PLPP4: variants seen among roughly 807,000 people sequenced by gnomAD.
PLPP4 encodes the protein diacylglycerol pyrophosphate like 2.
In PLPP4, 20 loss-of-function variants were observed where a neutral mutation model predicts 32.2. The observed-to-expected ratio is 0.62, with a 90% CI of 0.44 to 0.90. The LOEUF (loss-of-function observed/expected upper bound fraction) is 0.90, where lower values mean the gene tolerates loss of function less well. Ranked by LOEUF, PLPP4 falls within the 40% of genes least tolerant of loss-of-function variation. The pLI is 0.00. For synonymous variants in PLPP4, 127 were observed against 133.0 expected, an observed-to-expected ratio of 0.95 and a Z score of 0.31; for missense variants, 257 against 353.1, an observed-to-expected ratio of 0.73 and a Z score of 2.18.
chr10:120,463,204 T>C (rs766681605), intron 1 of PLPP4, among the ~76,000 whole-genome samples: 5 of 152,000 alleles, frequency 3.3e-5, no homozygotes, highest in Non-Finnish European at 7.4e-5. Context: ...TTTTTTGTAT[T>C]TTTAGTAGAG....
intron 5 of PLPP4, among the ~76,000 whole-genome samples, chr10:120,558,076 A>G (rs1470830819): frequency 6.6e-6 from 1 of 151,362 alleles, no homozygotes; most frequent in East Asian, 1.9e-4. Context: ...CCATGTACCC[A>G]GCACTTGGTT....
chr10:120,479,458 CTGTT>C (rs1419466860), intron 1 of PLPP4, among the ~76,000 whole-genome samples: 3 of 151,434 alleles, frequency 2.0e-5, no homozygotes, highest in East Asian at 3.9e-4. Flanking sequence ...TCACATTCCT[CTGTT>C]TTGTTTTTCT....
intron 1 of PLPP4, among the ~76,000 whole-genome samples, chr10:120,491,974 C>T (rs1244464803): frequency 1.3e-5 from 2 of 152,152 alleles, no homozygotes; most frequent in African/African-American, 2.4e-5. Flanking sequence ...ATTTGGTATA[C>T]AAATTTTTGG....
intron 1 of PLPP4, among the ~76,000 whole-genome samples, chr10:120,498,615 G>T (rs1845080795): frequency 6.6e-6 from 1 of 151,652 alleles, no homozygotes; most frequent in South Asian, 2.1e-4. Flanking sequence ...AGTACAGAGG[G>T]CCCTGAGTTA....
chr10:120,521,043 C>A lies in PLPP4; in HGVS notation c.393C>A (p.Asp131Glu), dbSNP rs1033065842. 1.7e-5 allele frequency: 28 copies of A among 1,613,996 alleles called. No homozygotes were observed. The highest frequency in any genetic ancestry group is 4.0e-5 in the African/African-American group (3 of 74,906). The change falls in exon 5 of 7, where the codon GAC becomes GAA. Residue 131 changes from aspartate (D) to glutamate (E), a missense_variant. Transcript: ENST00000398250. The part of the protein sequence containing the change: ...VMNSEMHCTG[D>E]PDLVSEGRKS... ...ACTCGGAAATGCATTGCACAGGTGA[C>A]CCCGATCTGGTGTCCGAGGGCCGCA...
intron 5 of PLPP4, among the ~76,000 whole-genome samples, chr10:120,523,282 C>T (rs1846240842): frequency 6.6e-6 from 1 of 151,184 alleles, no homozygotes; most frequent in Admixed American, 6.6e-5. Flanking sequence ...AGCCTGGCAA[C>T]AGAGTGAGAC....
intron 1 of PLPP4, among the ~76,000 whole-genome samples, chr10:120,460,083 G>T (rs913903326): frequency 1.4e-4 from 21 of 152,146 alleles, no homozygotes; most frequent in African/African-American, 4.8e-4. Flanking sequence ...ACTTCAAATC[G>T]CTGGGAAGGA....
At chr10:120,486,147 G>A (rs908706246) in intron 1 of PLPP4, among the ~76,000 whole-genome samples, 1 of 152,180 alleles carries the variant, frequency 6.6e-6, no homozygotes, top group Non-Finnish European at 1.5e-5. Flanking sequence ...GCCAGGGCCT[G>A]CTTCTGTGGA....
intron 5 of PLPP4, among the ~76,000 whole-genome samples, chr10:120,538,921 A>G (rs1352869520): frequency 6.6e-6 from 1 of 152,212 alleles, no homozygotes; most frequent in Non-Finnish European, 1.5e-5. Context: ...GCTGGCATTT[A>G]TACCCAGATC....
At chr10:120,516,009 CATACTCTGTCTCCT>C (rs1254509732) in intron 3 of PLPP4, among the ~76,000 whole-genome samples, 1 of 152,174 alleles carries the variant, frequency 6.6e-6, no homozygotes, top group Non-Finnish European at 1.5e-5. Flanking sequence ...AATTGAACAT[CATACTCTGTCTCCT>C]ATACGTTAAC....
At chr10:120,487,813 T>G (rs1419119592) in intron 1 of PLPP4, among the ~76,000 whole-genome samples, 4 of 152,212 alleles carry the variant, frequency 2.6e-5, no homozygotes, top group Admixed American at 1.3e-4. Context: ...TGTAAATGAT[T>G]TACTCAGATT....
chr10:120,521,917 T>A (rs1846173095), intron 5 of PLPP4, among the ~76,000 whole-genome samples: 1 of 152,250 alleles, frequency 6.6e-6, no homozygotes, highest in Non-Finnish European at 1.5e-5. Flanking sequence ...TCTACATGAT[T>A]ATTGATTATC....
chr10:120,521,074 T>C lies in PLPP4; in HGVS notation c.424T>C (p.Phe142Leu), dbSNP rs766581942. ...TCTGGTGTCCGAGGGCCGCAAAAGC[T>C]TCCCCAGCATCCATTCCTCCTGTAA... ...PDLVSEGRKS[F>L]PSIHSSFAFS... Residue 142 changes from phenylalanine (F) to leucine (L), a missense_variant, in exon 5 of 7, where the codon TTC becomes CTC. Transcript: ENST00000398250. 1 of 1,614,124 alleles carries C rather than the reference T, an allele frequency of 6.2e-7. No homozygotes were observed. The highest frequency in any genetic ancestry group is 1.7e-5 in the Admixed American group (1 of 60,018).
intron 2 of PLPP4, among the ~76,000 whole-genome samples, chr10:120,513,470 C>T (rs372001039): frequency 1.2e-4 from 19 of 152,266 alleles, no homozygotes; most frequent in African/African-American, 4.6e-4. Context: ...GATAAATATT[C>T]AACAAAAGAA....
intron 5 of PLPP4, among the ~76,000 whole-genome samples, chr10:120,550,213 A>T (rs1182489066): frequency 6.6e-6 from 1 of 151,974 alleles, no homozygotes; most frequent in Non-Finnish European, 1.5e-5. Flanking sequence ...AGTACCATTT[A>T]TAGGTACTTA....
intron 5 of PLPP4, among the ~76,000 whole-genome samples, chr10:120,562,423 T>A (rs1446915048): frequency 1.3e-5 from 2 of 152,186 alleles, no homozygotes; most frequent in African/African-American, 4.8e-5. Flanking sequence ...CCTAACCCTT[T>A]TTATTGAGTT....
chr10:120,574,263 G>A (rs919307387), intron 5 of PLPP4, among the ~76,000 whole-genome samples: 2 of 137,860 alleles, frequency 1.5e-5, no homozygotes, highest in African/African-American at 5.4e-5. Flanking sequence ...GGCTGGCAAT[G>A]GAACCTGGGT....
intron 1 of PLPP4, among the ~76,000 whole-genome samples, chr10:120,502,607 C>T (rs1845308076): frequency 1.3e-5 from 2 of 152,136 alleles, no homozygotes; most frequent in South Asian, 2.1e-4. Flanking sequence ...TGGAGTGGCT[C>T]CTGCCCTCAC....
intron 1 of PLPP4, among the ~76,000 whole-genome samples, chr10:120,461,791 C>G (rs1424684160): frequency 6.6e-6 from 1 of 152,198 alleles, no homozygotes; most frequent in Admixed American, 6.5e-5. Context: ...CATTGTTCAT[C>G]CACTTGATGG....
Sources: gnomAD v4.1 joint callset for allele counts (sites outside exome capture counted in the v4.1 genomes callset) on GRCh38, gnomAD v4.1.1 for gene constraint, MANE v1.5 for transcripts, NCBI Gene and HGNC (gene_info 2026-07-23, HGNC 2026-07-21) for gene names.